Variants in OSBPL1A observed in about 807,000 individuals in gnomAD.
OSBPL1A encodes oxysterol binding protein like 1A, also known as oxysterol-binding protein-related protein 1.
A neutral mutation model predicts 137.1 loss-of-function variants in OSBPL1A; 80 were observed. The ratio of observed to expected loss-of-function variants is 0.58; its 90% CI spans 0.49 to 0.70. The LOEUF (loss-of-function observed/expected upper bound fraction) is 0.70, where lower values mean the gene tolerates loss of function less well. Among genes scored for constraint, OSBPL1A ranks in the 30% least tolerant of loss-of-function variants. The pLI, the probability that OSBPL1A is intolerant of heterozygous loss-of-function variation, is 0.00. For missense variants in OSBPL1A, 970 were observed against 1,129.4 expected (o/e 0.86, Z 2.02); for synonymous variants, 365 against 389.7 (o/e 0.94, Z 0.75).
intron 4 of OSBPL1A, 103 bp downstream of exon 4, chr18:24,366,789 G>A (rs1187317535): frequency 8.8e-7 from 1 of 1,142,794 alleles, no homozygotes; most frequent in African/African-American, 1.6e-5. Context: ...TTTTTTGTGT[G>A]GCTTTCTTCG....
intron 4 of OSBPL1A, among the ~76,000 whole-genome samples, chr18:24,360,855 A>G (rs914617946): frequency 3.3e-5 from 5 of 152,092 alleles, no homozygotes; most frequent in African/African-American, 1.2e-4. Context: ...CCAGGCCTGG[A>G]TCCCCCTGTG....
At chr18:24,242,691 T>C (rs959455858) in intron 15 of OSBPL1A, among the ~76,000 whole-genome samples, 7 of 152,174 alleles carry the variant, frequency 4.6e-5, no homozygotes, top group South Asian at 2.1e-4. Context: ...TCAGGCACTT[T>C]AGTGTTTATC....
At position 24,194,450 on chromosome 18, in the gene OSBPL1A, A is replaced by G. The variant is rs1330427848; in HGVS notation, c.1677+1675T>C. Among the ~76,000 whole-genome samples, 3 of 152,230 alleles carry G rather than the reference A, an allele frequency of 2.0e-5. No individual in the cohort carries two copies. The East Asian group carries it at 5.8e-4, about 29-fold the overall frequency. ...CATACTGGATCATAAAGGTAAACATATTTAACTAAGGGTTTGAAAAATACT... is the reference window on the plus strand; with the variant it reads ...CATACTGGATCATAAAGGTAAACATGTTTAACTAAGGGTTTGAAAAATACT... On this transcript the variant is annotated intron_variant, in intron 18 of 27. Coordinates refer to ENST00000319481, the MANE Select transcript of OSBPL1A (RefSeq NM_080597.4).
In OSBPL1A at chr18:24,162,515, G is replaced by A. The variant is rs1409014874; in HGVS notation, c.*664C>T. ...CTTAACCATTTTAATGATACTGACTGCAGAAAACTGTAAAAGTAAATTCAG... is the reference window on the plus strand; with the variant it reads ...CTTAACCATTTTAATGATACTGACTACAGAAAACTGTAAAAGTAAATTCAG... On this transcript the variant is annotated 3_prime_UTR_variant, in exon 28 of 28. Coordinates refer to ENST00000319481, the MANE Select transcript of OSBPL1A (RefSeq NM_080597.4). 1 of 152,196 alleles carries A rather than the reference G, an allele frequency of 6.6e-6. No homozygotes were observed. Among genetic ancestry groups the A allele is most frequent in the Non-Finnish European group, 1.5e-5 (1 of 68,036 alleles). The allele number at this position is 152,196 out of a possible 1,614,324, so 9.4% of individuals were successfully genotyped here.
intron 15 of OSBPL1A, among the ~76,000 whole-genome samples, chr18:24,256,423 C>T (rs750376054): frequency 6.6e-6 from 1 of 151,776 alleles, no homozygotes. Context: ...ATTCAACATC[C>T]CTTTATGACA....
Position 24,225,281 on chromosome 18 carries a change from A to G in OSBPL1A, c.1445-83T>C, listed in dbSNP as rs553115802. 45 of 1,477,746 alleles carry G rather than the reference A, an allele frequency of 3.0e-5. No homozygotes were observed. The African/African-American group carries it at 5.1e-4, about 17-fold the overall frequency. The allele number at this position is 1,477,746 out of a possible 1,614,324, so 91.5% of individuals were successfully genotyped here. ...CAATGGATCCCTCCCTTCATGCCTCAGGCTTTGAAACCTAAGCAGCCTACT... is the reference window on the plus strand; with the variant it reads ...CAATGGATCCCTCCCTTCATGCCTCGGGCTTTGAAACCTAAGCAGCCTACT... On this transcript the variant is annotated intron_variant, in intron 16 of 27. Coordinates refer to ENST00000319481, the MANE Select transcript of OSBPL1A (RefSeq NM_080597.4).
chr18:24,207,225 A>G (rs1439538870), intron 17 of OSBPL1A, among the ~76,000 whole-genome samples: 4 of 152,298 alleles, frequency 2.6e-5, no homozygotes, highest in Non-Finnish European at 4.4e-5. Context: ...CTGGGATTAC[A>G]GGCACCCACC....
chr18:24,304,090 T>C (rs1243710632), intron 13 of OSBPL1A, among the ~76,000 whole-genome samples: 3 of 152,152 alleles, frequency 2.0e-5, no homozygotes, highest in Non-Finnish European at 4.4e-5. Context: ...ATAAAATGCA[T>C]TCCTTAAAAA....
At chr18:24,334,205 G>T in intron 6 of OSBPL1A, 40 bp downstream of exon 6, 1 of 1,544,568 alleles carries the variant, frequency 6.5e-7, no homozygotes, top group Non-Finnish European at 8.8e-7. Flanking sequence ...TGTAAAGAAA[G>T]ACTGCTTTTT....
At chr18:24,309,664 A>G (rs1232657842) in intron 13 of OSBPL1A, among the ~76,000 whole-genome samples, 1 of 152,192 alleles carries the variant, frequency 6.6e-6, no homozygotes, top group Non-Finnish European at 1.5e-5. Context: ...GAGCCAGTCT[A>G]CTGACAAGCT....
chr18:24,175,983 C>A (rs1425699862), intron 21 of OSBPL1A, among the ~76,000 whole-genome samples: 4 of 152,214 alleles, frequency 2.6e-5, no homozygotes, highest in Admixed American at 6.5e-5. Context: ...ATTCCCTTCC[C>A]CGTCGCATTA....
At chr18:24,176,460 C>T (rs1046219216) in intron 21 of OSBPL1A, among the ~76,000 whole-genome samples, 1 of 151,082 alleles carries the variant, frequency 6.6e-6, no homozygotes, top group Non-Finnish European at 1.5e-5. Context: ...ACTAAAATTT[C>T]CAAAAATACT....
At chr18:24,286,026 G>C (rs971848024) in intron 14 of OSBPL1A, among the ~76,000 whole-genome samples, 1 of 152,126 alleles carries the variant, frequency 6.6e-6, no homozygotes, top group Non-Finnish European at 1.5e-5. Flanking sequence ...CCATCATGGC[G>C]TGTGCCTGTA....
At chr18:24,326,993 T>G (rs76768955) in intron 7 of OSBPL1A, among the ~76,000 whole-genome samples, 2,987 of 152,176 alleles carry the variant, frequency 0.02, 106 homozygotes, top group African/African-American at 0.069. Flanking sequence ...GAAAATAGAT[T>G]AGAAGGATGC....
At chr18:24,217,456 C>T (rs894502015) in intron 17 of OSBPL1A, among the ~76,000 whole-genome samples, 4 of 152,008 alleles carry the variant, frequency 2.6e-5, no homozygotes, top group African/African-American at 7.2e-5. Context: ...CAGAGTTTCA[C>T]CATGTTGGCC....
At chr18:24,312,469 A>G (rs1396979559) in intron 12 of OSBPL1A, among the ~76,000 whole-genome samples, 4 of 152,352 alleles carry the variant, frequency 2.6e-5, no homozygotes, top group East Asian at 3.9e-4. Flanking sequence ...ATAAGTTACT[A>G]TATAGTAATG....
Position 24,163,087 on chromosome 18 carries a change from A to T in OSBPL1A, c.*92T>A, listed in dbSNP as rs567585341. 2.1e-4 allele frequency: 180 copies of T among 848,012 alleles called. No homozygotes were observed. Among genetic ancestry groups the T allele is most frequent in the East Asian group, 9.5e-4 (31 of 32,690 alleles). The allele number at this position is 848,012 out of a possible 1,614,324, so 52.5% of individuals were successfully genotyped here. On this transcript the variant is annotated 3_prime_UTR_variant, in exon 28 of 28. Coordinates refer to ENST00000319481, the MANE Select transcript of OSBPL1A (RefSeq NM_080597.4). Reference sequence around the variant, plus strand: ...TGAGTGTTTTTTCATTTTTTTTTTTAAAAGATAAGTAGAAACCAAGGGAAA... The same window carrying T: ...TGAGTGTTTTTTCATTTTTTTTTTTTAAAGATAAGTAGAAACCAAGGGAAA...
chr18:24,339,344 T>G (rs904115884), intron 5 of OSBPL1A, among the ~76,000 whole-genome samples: 6 of 152,310 alleles, frequency 3.9e-5, no homozygotes, highest in South Asian at 2.1e-4. Context: ...GTACTTCCAG[T>G]AATTTGCCAA....
intron 5 of OSBPL1A, among the ~76,000 whole-genome samples, chr18:24,338,795 C>T (rs1706336480): frequency 6.6e-6 from 1 of 152,310 alleles, no homozygotes; most frequent in South Asian, 2.1e-4. Context: ...CTCACTGCAA[C>T]CTCCACCTCC....
Sources: gnomAD v4.1 joint callset for allele counts (sites outside exome capture counted in the v4.1 genomes callset) on GRCh38, gnomAD v4.1.1 for gene constraint, MANE v1.5 for transcripts, NCBI Gene and HGNC (gene_info 2026-07-23, HGNC 2026-07-21) for gene names.